The following PHF20 variants were observed in gnomAD, a reference collection of about 807,000 sequenced individuals.
PHF20 encodes the protein glioma-expressed antigen 2.
In PHF20, 23 loss-of-function variants were observed where a neutral mutation model predicts 113.5. The observed-to-expected ratio is 0.20, with a 90% CI of 0.15 to 0.29. The LOEUF is 0.29. Ranked by LOEUF, PHF20 falls within the 10% of genes least tolerant of loss-of-function variation. The probability of loss-of-function intolerance (pLI) is 1.00; values close to 1 mark genes in which losing one functional copy is unlikely to be tolerated. For synonymous variants in PHF20, 434 were observed against 457.3 expected (o/e 0.95, Z 0.65); for missense variants, 943 against 1,219.6 (o/e 0.77, Z 3.38).
chr20:35,874,444 A>G (rs1000661335), intron 9 of PHF20, among the ~76,000 whole-genome samples: 1 of 152,050 alleles, frequency 6.6e-6, no homozygotes, highest in Non-Finnish European at 1.5e-5. Flanking sequence ...AGATTTTCTT[A>G]TAGGTTCCTG....
intron 9 of PHF20, among the ~76,000 whole-genome samples, chr20:35,888,071 C>T (rs1245387185): frequency 6.6e-6 from 1 of 151,648 alleles, no homozygotes; most frequent in Non-Finnish European, 1.5e-5. Context: ...ACCTCCGCCT[C>T]CCTGGTTCAA....
chr20:35,820,736 A>C (rs2042154449), intron 2 of PHF20, among the ~76,000 whole-genome samples: 1 of 152,132 alleles, frequency 6.6e-6, no homozygotes, highest in Non-Finnish European at 1.5e-5. Flanking sequence ...GGTGTGAGCC[A>C]TCACACCTGG....
At chr20:35,936,092 G>A (rs182358074) in intron 15 of PHF20, among the ~76,000 whole-genome samples, 13 of 152,316 alleles carry the variant, frequency 8.5e-5, no homozygotes, top group African/African-American at 2.9e-4. Context: ...TTGGAAGGAT[G>A]AAAATTGTAG....
At chr20:35,936,623 CAGAATAATTTTT>C (rs1315835534) in intron 15 of PHF20, among the ~76,000 whole-genome samples, 3 of 152,096 alleles carry the variant, frequency 2.0e-5, no homozygotes, top group African/African-American at 7.2e-5. Flanking sequence ...AATAAATTTT[CAGAATAATTTTT>C]AGAAGCTTTA....
At chr20:35,844,595 T>G (rs959110561) in intron 3 of PHF20, among the ~76,000 whole-genome samples, 1 of 125,080 alleles carries the variant, frequency 8.0e-6, no homozygotes, top group African/African-American at 3.1e-5. Context: ...ACACACAGGC[T>G]GAAACAATAA....
intron 9 of PHF20, chr20:35,878,731 TAGA>T (rs1201424464): frequency 2.6e-6 from 2 of 756,620 alleles, no homozygotes; most frequent in East Asian, 2.5e-5. Context: ...ACCTAAGCCT[TAGA>T]AGAAGAGACG....
chr20:35,810,428 C>G (rs150551231), intron 2 of PHF20, among the ~76,000 whole-genome samples: 1 of 152,214 alleles, frequency 6.6e-6, no homozygotes, highest in African/African-American at 2.4e-5. Flanking sequence ...TTTGTTTTAG[C>G]CTTTTTGTTA....
intron 3 of PHF20, among the ~76,000 whole-genome samples, chr20:35,846,039 A>G (rs2042617663): frequency 3.9e-5 from 6 of 152,044 alleles, no homozygotes. Flanking sequence ...TGCTGGGATT[A>G]CAGGCACGAG....
intron 13 of PHF20, among the ~76,000 whole-genome samples, chr20:35,923,340 C>G (rs749300584): frequency 6.6e-6 from 1 of 151,990 alleles, no homozygotes; most frequent in Non-Finnish European, 1.5e-5. Context: ...GTGGCTCACA[C>G]CCGTAATCCT....
At chr20:35,890,765 C>T (rs1411477347) in intron 9 of PHF20, among the ~76,000 whole-genome samples, 1 of 152,170 alleles carries the variant, frequency 6.6e-6, no homozygotes, top group Admixed American at 6.5e-5. Flanking sequence ...CATCTCTAAT[C>T]CTAGCTACTC....
chr20:35,826,263 C>T lies in PHF20; in HGVS notation c.84-16310C>T, dbSNP rs140147619. ...TTCGCCATGTTGGCCAGGCCGGGCT[C>T]GAACTCTTGACCCCAGGTGATCTGC... On this transcript the variant is annotated intron_variant, in intron 2 of 17. Coordinates refer to ENST00000374012, the MANE Select transcript of PHF20 (RefSeq NM_016436.5). Among the ~76,000 whole-genome samples the T allele has an allele frequency of 5.2e-3, 793 of 152,202 alleles. 9 individuals carry two copies. Among genetic ancestry groups the T allele is most frequent in the African/African-American group, 0.018 (757 of 41,524 alleles).
At chr20:35,785,613 C>G (rs773579523) in intron 1 of PHF20, among the ~76,000 whole-genome samples, 11 of 151,954 alleles carry the variant, frequency 7.2e-5, no homozygotes, top group Non-Finnish European at 1.2e-4. Context: ...AGCCACCACA[C>G]CCTGCCAAGA....
At chr20:35,812,478 G>A (rs1051458224) in intron 2 of PHF20, among the ~76,000 whole-genome samples, 3 of 152,128 alleles carry the variant, frequency 2.0e-5, no homozygotes, top group South Asian at 2.1e-4. Flanking sequence ...TAAGAGTTCC[G>A]AACAGTTGTT....
At chr20:35,781,904 C>T (rs890525587) in intron 1 of PHF20, among the ~76,000 whole-genome samples, 6 of 152,004 alleles carry the variant, frequency 3.9e-5, no homozygotes, top group African/African-American at 1.4e-4. Flanking sequence ...GCCAGGATTG[C>T]TGCACTGCAC....
intron 1 of PHF20, among the ~76,000 whole-genome samples, chr20:35,796,456 G>T (rs1460549549): frequency 1.3e-5 from 2 of 152,050 alleles, no homozygotes; most frequent in Non-Finnish European, 2.9e-5. Flanking sequence ...GCTTGAAATG[G>T]CTGAGTCCAA....
intron 1 of PHF20, among the ~76,000 whole-genome samples, chr20:35,785,026 G>A (rs929008076): frequency 1.3e-5 from 2 of 151,670 alleles, no homozygotes; most frequent in South Asian, 2.1e-4. Flanking sequence ...ACTCCAACCT[G>A]GGCCACAGAA....
intron 2 of PHF20, among the ~76,000 whole-genome samples, chr20:35,813,094 G>A (rs368525638): frequency 1.1e-4 from 17 of 152,000 alleles, no homozygotes; most frequent in African/African-American, 3.4e-4. Context: ...TCGGCCTCCC[G>A]AGAGCTGGGA....
chr20:35,804,362 C>G (rs1011313902), intron 2 of PHF20, among the ~76,000 whole-genome samples: 3 of 151,306 alleles, frequency 2.0e-5, no homozygotes, highest in African/African-American at 7.3e-5. Context: ...GCCTCCCGAG[C>G]AGCTGGGACT....
At chr20:35,859,241 C>G (rs79606902) in intron 5 of PHF20, among the ~76,000 whole-genome samples, 7,381 of 152,174 alleles carry the variant, frequency 0.049, 227 homozygotes, top group African/African-American at 0.099. Context: ...AGTTTTGGTA[C>G]TGGAAATATG....
Sources: allele counts gnomAD v4.1 joint callset (sites outside exome capture counted in the v4.1 genomes callset), GRCh38; gene constraint gnomAD v4.1.1; transcripts MANE v1.5; gene names NCBI Gene and HGNC (gene_info 2026-07-23, HGNC 2026-07-21).